Variants in CCDC73 observed in about 807,000 individuals in gnomAD.
CCDC73 encodes the protein coiled-coil domain containing 73.
In CCDC73, 95 loss-of-function variants were observed where a neutral mutation model predicts 116.5. The ratio of observed to expected loss-of-function variants is 0.82; its 90% CI spans 0.69 to 0.97. The LOEUF is 0.97. Among genes scored for constraint, CCDC73 ranks in the 50% least tolerant of loss-of-function variants. The pLI is 0.00. For synonymous variants in CCDC73, 398 were observed against 401.3 expected (o/e 0.99, Z 0.10); for missense variants, 1,066 against 1,206.8 (o/e 0.88, Z 1.73).
In CCDC73 at chr11:32,602,764, C is replaced by T. The variant is rs7114146; in HGVS notation, c.*47G>A. The T allele has an allele frequency of 5.8e-3, 7,594 of 1,313,294 alleles. 335 individuals are homozygous for T. The African/African-American group carries it at 0.095, about 16-fold the overall frequency. The allele number at this position is 1,313,294 out of a possible 1,614,324, so 81.4% of individuals were successfully genotyped here. A position where few individuals can be genotyped will look rare whatever the true frequency, so the allele number is the denominator to read the frequency against. ...TCATTTTATTCTAGTAAAAACTATA[C>T]CAGAATTTCAGTTACATAATTTCAC... On this transcript the variant is annotated 3_prime_UTR_variant, in exon 18 of 18. Coordinates refer to ENST00000335185, the MANE Select transcript of CCDC73 (RefSeq NM_001008391.4).
intron 1 of CCDC73, among the ~76,000 whole-genome samples, chr11:32,763,640 T>C (rs1282189201): frequency 6.6e-6 from 1 of 151,938 alleles, no homozygotes; most frequent in African/African-American, 2.4e-5. Context: ...AGACCAAAGG[T>C]AGATAAAATC....
chr11:32,823,895 T>C, the CCDC73 span, among the ~76,000 whole-genome samples: 1 of 151,880 alleles, frequency 6.6e-6, no homozygotes, highest in Admixed American at 6.6e-5. Context: ...TTGTTTTTGT[T>C]TTGTTTTGTT....
chr11:32,617,285 A>G (rs1855482381), intron 14 of CCDC73, among the ~76,000 whole-genome samples: 1 of 152,232 alleles, frequency 6.6e-6, no homozygotes, highest in African/African-American at 2.4e-5. Flanking sequence ...TTTTGGCTAC[A>G]GTACAAAAAA....
intron 9 of CCDC73, among the ~76,000 whole-genome samples, chr11:32,668,500 G>A (rs529225308): frequency 6.4e-4 from 97 of 151,216 alleles, no homozygotes; most frequent in African/African-American, 2.2e-3. Context: ...TATAAAAGTT[G>A]ATAAAATCAA....
chr11:32,827,072 G>C, the CCDC73 span, among the ~76,000 whole-genome samples: 1 of 151,984 alleles, frequency 6.6e-6, no homozygotes, highest in Non-Finnish European at 1.5e-5. Context: ...CACTGTGTTG[G>C]CCAGGCTGGT....
chr11:32,651,948 C>T (rs1324537405), intron 12 of CCDC73, among the ~76,000 whole-genome samples: 1 of 152,222 alleles, frequency 6.6e-6, no homozygotes, highest in Non-Finnish European at 1.5e-5. Flanking sequence ...GGCCCAGTGG[C>T]TTACAGGGCA....
intron 1 of CCDC73, among the ~76,000 whole-genome samples, chr11:32,776,318 T>G (rs530270438): frequency 6.6e-6 from 1 of 152,238 alleles, no homozygotes; most frequent in East Asian, 1.9e-4. Flanking sequence ...AGAATTATTT[T>G]GCAAAACATC....
chr11:32,818,531 T>C, the CCDC73 span, among the ~76,000 whole-genome samples: 1 of 152,206 alleles, frequency 6.6e-6, no homozygotes, highest in African/African-American at 2.4e-5. Flanking sequence ...AGTTACCATA[T>C]GGCCTGGCAG....
At chr11:32,639,079 T>A (rs1455913657) in intron 13 of CCDC73, among the ~76,000 whole-genome samples, 1 of 150,460 alleles carries the variant, frequency 6.6e-6, no homozygotes, top group African/African-American at 2.5e-5. Flanking sequence ...ACCCGGGAGG[T>A]GGAGGTTGCA....
At chr11:32,646,402 C>T (rs1435831303) in intron 12 of CCDC73, among the ~76,000 whole-genome samples, 1 of 152,180 alleles carries the variant, frequency 6.6e-6, no homozygotes, top group African/African-American at 2.4e-5. Flanking sequence ...ATAAAGGAGG[C>T]ATAGGGTGGT....
chr11:32,826,080 T>A, the CCDC73 span, among the ~76,000 whole-genome samples: 1 of 152,218 alleles, frequency 6.6e-6, no homozygotes, highest in African/African-American at 2.4e-5. Context: ...TCTTAAATAG[T>A]AGAATTAAAG....
chr11:32,742,352 C>A (rs1282969807), intron 2 of CCDC73, among the ~76,000 whole-genome samples: 1 of 152,210 alleles, frequency 6.6e-6, no homozygotes, highest in Non-Finnish European at 1.5e-5. Context: ...ACCATTCTAA[C>A]TGGCATGAGA....
chr11:32,690,564 CT>C (rs1337028877), intron 6 of CCDC73, among the ~76,000 whole-genome samples: 1 of 152,130 alleles, frequency 6.6e-6, no homozygotes, highest in Non-Finnish European at 1.5e-5. Context: ...CACCGTCCCC[CT>C]AGTGCTGCCT....
At chr11:32,605,470 A>G (rs1165396027) in intron 17 of CCDC73, 1 of 152,224 alleles carries the variant, frequency 6.6e-6, no homozygotes, top group African/African-American at 2.4e-5. Flanking sequence ...ATTACTGGAA[A>G]GAATAACTAG....
chr11:32,700,471 G>C lies in CCDC73; in HGVS notation c.315+320C>G, dbSNP rs1333729850. ...TTAATAGAAACACTGCAGTGGAATG[G>C]GAAGAACATTAATTTGGGGCCTGAA... On this transcript the variant is annotated intron_variant, in intron 5 of 17. Coordinates refer to ENST00000335185, the MANE Select transcript of CCDC73 (RefSeq NM_001008391.4). Among the ~76,000 whole-genome samples the C allele has an allele frequency of 4.6e-5, 7 of 152,136 alleles. No individual in the cohort carries two copies. The East Asian group carries it at 1.2e-3, about 25-fold the overall frequency.
chr11:32,790,216 T>A (rs1850663319), intron 1 of CCDC73, among the ~76,000 whole-genome samples: 1 of 152,222 alleles, frequency 6.6e-6, no homozygotes, highest in Non-Finnish European at 1.5e-5. Flanking sequence ...TTATACCAAA[T>A]GCCTTGCCAT....
intron 17 of CCDC73, among the ~76,000 whole-genome samples, chr11:32,607,096 T>C (rs1333521096): frequency 7.9e-6 from 1 of 126,754 alleles, no homozygotes. Context: ...TTTTTTTTTT[T>C]TTTTTTTTTT....
the CCDC73 span, among the ~76,000 whole-genome samples, chr11:32,829,421 T>C: frequency 6.6e-6 from 1 of 152,236 alleles, no homozygotes; most frequent in African/African-American, 2.4e-5. Flanking sequence ...GAAAAGATCT[T>C]GGAGACATCC....
chr11:32,667,865 A>G (rs1856001034), intron 9 of CCDC73, among the ~76,000 whole-genome samples: 1 of 152,208 alleles, frequency 6.6e-6, no homozygotes, highest in East Asian at 1.9e-4. Context: ...TACAGGAGAG[A>G]AAAAACTTAT....
Sources: allele counts gnomAD v4.1 joint callset (sites outside exome capture counted in the v4.1 genomes callset), GRCh38; gene constraint gnomAD v4.1.1; transcripts MANE v1.5; gene names NCBI Gene and HGNC (gene_info 2026-07-23, HGNC 2026-07-21).